Variants in SRP54 observed in about 807,000 individuals in gnomAD.
SRP54 encodes the protein signal recognition particle subunit SRP54.
A neutral mutation model predicts 64.8 loss-of-function variants in SRP54; 10 were observed. The ratio of observed to expected loss-of-function variants is 0.15; its 90% confidence interval spans 0.10 to 0.26. The LOEUF (loss-of-function observed/expected upper bound fraction) is 0.26, where lower values mean the gene tolerates loss of function less well. SRP54 is among the 10% of genes least tolerant of loss of function. The probability of loss-of-function intolerance (pLI) is 1.00; values close to 1 mark genes in which losing one functional copy is unlikely to be tolerated. For synonymous variants in SRP54, 193 were observed against 185.6 expected, an observed-to-expected ratio of 1.04 and a Z score of -0.32; for missense variants, 325 against 613.7, an observed-to-expected ratio of 0.53 and a Z score of 4.97.
intron 4 of SRP54, among the ~76,000 whole-genome samples, chr14:35,006,664 T>G (rs1387509993): frequency 6.6e-6 from 1 of 152,210 alleles, no homozygotes; most frequent in Non-Finnish European, 1.5e-5. Context: ...GTATTACATT[T>G]CTGTAGTGCT....
intron 11 of SRP54, among the ~76,000 whole-genome samples, chr14:35,017,276 T>G (rs758512940): frequency 8.5e-5 from 13 of 152,188 alleles, no homozygotes; most frequent in Non-Finnish European, 1.9e-4. Context: ...CTCTACATTT[T>G]TGTTTCTATT....
intron 1 of SRP54, among the ~76,000 whole-genome samples, chr14:34,992,609 A>G (rs558263616): frequency 3.3e-4 from 50 of 152,174 alleles, no homozygotes; most frequent in Non-Finnish European, 6.0e-4. Context: ...GGACATAAAG[A>G]CGAAAGTAGT....
intron 14 of SRP54, among the ~76,000 whole-genome samples, chr14:35,024,351 A>G (rs1009954780): frequency 2.0e-5 from 3 of 152,042 alleles, no homozygotes; most frequent in Non-Finnish European, 2.9e-5. Flanking sequence ...TAATGGTTGA[A>G]TATTTTCTCA....
rs2044358034 is a variant in SRP54 at position 35,011,504 on chromosome 14, T to TC, written c.486-5_486-4insC. On this transcript the variant is annotated splice_polypyrimidine_tract_variant and splice_region_variant and intron_variant, in intron 7 of 15. Coordinates refer to ENST00000216774, the MANE Select transcript of SRP54 (RefSeq NM_003136.4). ...TTTGTTAAATCATTTGTCCATGTTA[T>TC]ATAGCTATACAGAAATGGATCCTGT... 2 of 1,468,560 alleles carry TC rather than the reference T, an allele frequency of 1.4e-6. No homozygotes were observed. Among genetic ancestry groups the TC allele is most frequent in the African/African-American group, 2.8e-5 (2 of 71,290 alleles). The allele number at this position is 1,468,560 out of a possible 1,614,324, so 91.0% of individuals were successfully genotyped here. A position where few individuals can be genotyped will look rare whatever the true frequency, so the allele number is the denominator to read the frequency against.
chr14:34,996,221 TTTTTC>T (rs893112879), intron 1 of SRP54, among the ~76,000 whole-genome samples: 6 of 152,186 alleles, frequency 3.9e-5, no homozygotes, highest in African/African-American at 1.4e-4. Flanking sequence ...ATTAAAACCT[TTTTTC>T]TTTTTTTTGC....
At chr14:35,005,660 A>T (rs1446085551) in intron 4 of SRP54, among the ~76,000 whole-genome samples, 2 of 152,116 alleles carry the variant, frequency 1.3e-5, no homozygotes, top group Non-Finnish European at 2.9e-5. Flanking sequence ...CCCCCCGCTG[A>T]AAGGGCCGGG....
At chr14:34,995,131 AAG>A (rs200271426) in intron 1 of SRP54, among the ~76,000 whole-genome samples, 1 of 63,730 alleles carries the variant, frequency 1.6e-5, no homozygotes, top group Non-Finnish European at 3.0e-5. Context: ...AGAATCAATA[AAG>A]GGTGTGTGTG....
At chr14:35,003,572 GTTT>G (rs35642565) in intron 4 of SRP54, among the ~76,000 whole-genome samples, 1 of 134,562 alleles carries the variant, frequency 7.4e-6, no homozygotes. Context: ...GGTTTTTTTG[GTTT>G]TTTTTTTTTT....
At chr14:35,023,787 AACACAC>A (rs57037784) in intron 14 of SRP54, among the ~76,000 whole-genome samples, 14 of 140,362 alleles carry the variant, frequency 1.0e-4, no homozygotes, top group South Asian at 4.7e-4. Context: ...CCGGTCCCCA[AACACAC>A]ACACACACAC....
chr14:34,996,716 C>T lies in SRP54; in HGVS notation c.7C>T (p.Leu3=), dbSNP rs1328485921. ...ACATCTTAAAGCTGTCAAGATGGTT[C>T]TAGCAGACCTTGGAAGAAAAATAAC... MV[L]ADLGRKITSA... is the part of the protein sequence containing the mutation. Residue 3 remains leucine, a synonymous_variant, in exon 2 of 16, where the codon CTA becomes TTA. Transcript: ENST00000216774. 1.9e-6 allele frequency: 3 copies of T among 1,612,572 alleles called. No individual in the cohort carries two copies. Among genetic ancestry groups the T allele is most frequent in the African/African-American group, 2.7e-5 (2 of 74,874 alleles).
chr14:35,015,022 A>C (rs909998492), intron 11 of SRP54, among the ~76,000 whole-genome samples, 192 bp downstream of exon 11: 1 of 152,060 alleles, frequency 6.6e-6, no homozygotes, highest in African/African-American at 2.4e-5. Flanking sequence ...CAGTGTTTTT[A>C]TTTTCTTTAT....
chr14:35,021,961 G>A (rs550491054), intron 13 of SRP54, among the ~76,000 whole-genome samples: 1 of 152,314 alleles, frequency 6.6e-6, no homozygotes, highest in South Asian at 2.1e-4. Flanking sequence ...GATATTCTAA[G>A]AGTGATCAAA....
chr14:35,005,080 T>G (rs2138991635), intron 4 of SRP54, among the ~76,000 whole-genome samples: 1 of 152,276 alleles, frequency 6.6e-6, no homozygotes, highest in South Asian at 2.1e-4. Flanking sequence ...ACCTGTAATC[T>G]CAGCACTTCA....
intron 2 of SRP54, among the ~76,000 whole-genome samples, chr14:34,999,268 G>T (rs1421801538): frequency 6.6e-6 from 1 of 152,000 alleles, no homozygotes; most frequent in Non-Finnish European, 1.5e-5. Context: ...GCCCACCTCG[G>T]CCTCCCAAAG....
chr14:34,996,159 G>A (rs898777512), intron 1 of SRP54, among the ~76,000 whole-genome samples: 23 of 151,908 alleles, frequency 1.5e-4, no homozygotes, highest in African/African-American at 4.8e-4. Flanking sequence ...TTAGTATAGC[G>A]CTTCGATATA....
At chr14:34,984,990 T>G (rs2043871626) in intron 1 of SRP54, among the ~76,000 whole-genome samples, 1 of 152,122 alleles carries the variant, frequency 6.6e-6, no homozygotes, top group Non-Finnish European at 1.5e-5. Context: ...GTTTTTGAGT[T>G]TTGACCTCTG....
intron 12 of SRP54, 47 bp from the exon 13 acceptor site, chr14:35,018,919 C>G (rs778778492): frequency 6.5e-7 from 1 of 1,536,362 alleles, no homozygotes; most frequent in South Asian, 1.1e-5. Context: ...ACATTTTGAA[C>G]CATTAATCTT....
At chr14:34,996,893 T>A in intron 2 of SRP54, 106 bp downstream of exon 2, 2 of 803,434 alleles carry the variant, frequency 2.5e-6, no homozygotes, top group Non-Finnish European at 4.2e-6. Flanking sequence ...GATGTAGACT[T>A]AATACTTGTA....
chr14:34,996,640 A>G, intron 1 of SRP54, 37 bp from the exon 2 acceptor site: 4 of 1,038,960 alleles, frequency 3.9e-6, no homozygotes, highest in Non-Finnish European at 6.1e-6. Flanking sequence ...TGGGAAGTGA[A>G]ATTGATTATT....
Sources: gnomAD v4.1 joint callset for allele counts (sites outside exome capture counted in the v4.1 genomes callset) on GRCh38, gnomAD v4.1.1 for gene constraint, MANE v1.5 for transcripts, NCBI Gene and HGNC (gene_info 2026-07-23, HGNC 2026-07-21) for gene names.